The following DNAH12 variants were observed in gnomAD, a reference collection of about 807,000 sequenced individuals.
The protein encoded by DNAH12 is axonemal beta dynein heavy chain 12.
In DNAH12, 285 loss-of-function variants were observed where a neutral mutation model predicts 371.5. That is an observed-to-expected ratio of 0.77 (90% confidence interval 0.70 to 0.85). The LOEUF is 0.85. DNAH12 is among the 40% of genes least tolerant of loss of function. The pLI is 0.00. For missense variants in DNAH12, 3,611 were observed against 3,689.4 expected (o/e 0.98, Z 0.55); for synonymous variants, 1,200 against 1,213.0 (o/e 0.99, Z 0.22).
Position 57,507,778 on chromosome 3 carries a change from G to A in DNAH12, c.762C>T (p.Asn254=), listed in dbSNP as rs376621969. 80 of 1,607,252 alleles carry A rather than the reference G, an allele frequency of 5.0e-5. No individual in the cohort carries two copies. The highest frequency in any genetic ancestry group is 1.2e-4 in the South Asian group (11 of 89,364). ...ATGTATTCATTATCTTCTCTTCTGC[G>A]TTTCTAGTTTGTATTGATAGATCAG... The part of the protein sequence containing the change: ...LKTDLSIQTR[N]AEEKIMNTWY... The change falls in exon 8 of 74, where the codon AAC becomes AAT. Residue 254 remains asparagine (N), a synonymous_variant. Transcript: ENST00000495027.
chr3:57,488,820 C>G (rs546720012), intron 12 of DNAH12, among the ~76,000 whole-genome samples: 1 of 152,072 alleles, frequency 6.6e-6, no homozygotes, highest in Non-Finnish European at 1.5e-5. Context: ...ACTGGGTGAA[C>G]AAACCACAGG....
chr3:57,504,316 C>T (rs1275221344), intron 8 of DNAH12, 112 bp from the exon 9 acceptor site: 1 of 955,988 alleles, frequency 1.0e-6, no homozygotes, highest in Non-Finnish European at 1.5e-6. Flanking sequence ...ATAATTAAAA[C>T]ATCCTATCAA....
intron 65 of DNAH12, among the ~76,000 whole-genome samples, chr3:57,317,972 A>G (rs1211795613): frequency 6.6e-6 from 1 of 152,028 alleles, no homozygotes; most frequent in African/African-American, 2.4e-5. Flanking sequence ...TTCTTTGGAG[A>G]AATGTCTATT....
chr3:57,455,225 T>A (rs1177311976), intron 22 of DNAH12, among the ~76,000 whole-genome samples: 1 of 151,956 alleles, frequency 6.6e-6, no homozygotes, highest in African/African-American at 2.4e-5. Context: ...ATAGAATACC[T>A]ATTACTTCTA....
At chr3:57,520,185 T>C (rs1043271161) in intron 4 of DNAH12, among the ~76,000 whole-genome samples, 1 of 152,106 alleles carries the variant, frequency 6.6e-6, no homozygotes, top group Admixed American at 6.5e-5. Flanking sequence ...CAATCTCGGC[T>C]CACTGCAACG....
chr3:57,368,190 T>C lies in DNAH12; in HGVS notation c.8830A>G (p.Ser2944Gly), dbSNP rs2153334207. ...TCTGAATCTGATAGCTTAATAACAC[T>C]AAGCTGATTTTCTTTTTCAGAGTTT... The part of the protein sequence containing the change: ...IKNSEKENQL[S>G]VIKLSDSDYM... The change falls in exon 56 of 74, where the codon AGT becomes GGT. Residue 2944 changes from serine (S) to glycine (G), a missense_variant. Around this residue, in one of 3 missense-constraint regions of DNAH12, gnomAD observed 2,266 missense variants for 2,236.9 expected, o/e 1.01. Coordinates refer to ENST00000495027, the MANE Select transcript of DNAH12 (RefSeq NM_001366028.2). 1 of 152,326 alleles carries C rather than the reference T, an allele frequency of 6.6e-6. No individual in the cohort carries two copies. The highest frequency in any genetic ancestry group is 2.1e-4 in the South Asian group (1 of 4,832). 9.4% of individuals were successfully genotyped at this position (152,326 alleles called of 1,614,324 possible). A position where few individuals can be genotyped will look rare whatever the true frequency, so the allele number is the denominator to read the frequency against.
At chr3:57,530,186 G>A (rs564593742) in intron 2 of DNAH12, among the ~76,000 whole-genome samples, 7 of 152,166 alleles carry the variant, frequency 4.6e-5, no homozygotes, top group African/African-American at 1.4e-4. Context: ...ACCATGCCCA[G>A]CCAGTAATAA....
At chr3:57,546,484 G>A (rs1022511769), upstream of DNAH12, among the ~76,000 whole-genome samples, 3 of 152,088 alleles carry the variant, frequency 2.0e-5, no homozygotes, top group African/African-American at 7.2e-5. Context: ...TGGGACTACA[G>A]GCACACACCA....
At chr3:57,333,023 G>C (rs570477232) in intron 62 of DNAH12, among the ~76,000 whole-genome samples, 5 of 152,178 alleles carry the variant, frequency 3.3e-5, no homozygotes, top group Non-Finnish European at 7.4e-5. Context: ...GTTGATAAAC[G>C]TTCTGTAGAG....
intron 52 of DNAH12, among the ~76,000 whole-genome samples, chr3:57,378,332 G>C (rs950791370): frequency 8.6e-5 from 13 of 151,866 alleles, no homozygotes; most frequent in Non-Finnish European, 1.2e-4. Context: ...TGTGTGAAGG[G>C]ACAAGATGTT....
chr3:57,359,573 A>AG (rs1170912941), intron 58 of DNAH12, among the ~76,000 whole-genome samples: 1 of 151,006 alleles, frequency 6.6e-6, no homozygotes, highest in African/African-American at 2.4e-5. Context: ...AAAAAAAAAA[A>AG]AAAAAAAGAA....
At chr3:57,327,729 TAG>T (rs2061985250) in intron 62 of DNAH12, among the ~76,000 whole-genome samples, 2 of 150,842 alleles carry the variant, frequency 1.3e-5, no homozygotes. Flanking sequence ...CTGAAGGAAA[TAG>T]AGACACAAAA....
chr3:57,522,177 T>TCACG (rs2068473335), intron 4 of DNAH12, among the ~76,000 whole-genome samples: 1 of 151,894 alleles, frequency 6.6e-6, no homozygotes, highest in African/African-American at 2.4e-5. Context: ...TGAGCCAGGA[T>TCACG]CACGCCACTG....
In DNAH12 at chr3:57,408,506, G is replaced by A. The variant is rs544442885; in HGVS notation, c.6050C>T (p.Thr2017Met). Residue 2017 changes from threonine (T) to methionine (M), a missense_variant, in exon 40 of 74, where the codon ACG becomes ATG. Physicochemically the swap from Thr to Met is moderately conservative, Grantham distance 81. This residue lies in a region of DNAH12 where 2,266 missense variants were observed against 2,236.9 expected (regional missense o/e 1.01). Coordinates refer to ENST00000495027, the MANE Select transcript of DNAH12 (RefSeq NM_001366028.2). The stretch of plus-strand genomic sequence containing the variant: ...AGCAATCAGCTCTATGTCCACCAGC[G>A]TGATTTTACTTGTGTCCTTAAGGTC... ...WYDLKDTSKITLVDIELIAAM... is the reference protein window; with the variant it reads ...WYDLKDTSKIMLVDIELIAAM... 1.6e-4 allele frequency: 243 copies of A among 1,548,890 alleles called. 3 individuals carry two copies. In the South Asian group the frequency reaches 2.1e-3, roughly 13 times the overall value.
upstream of DNAH12, chr3:57,548,864 T>A (rs997115965): frequency 6.6e-6 from 1 of 152,198 alleles, no homozygotes; most frequent in Admixed American, 6.5e-5. Flanking sequence ...CACATAATAT[T>A]AAAACTGAAA....
intron 45 of DNAH12, among the ~76,000 whole-genome samples, chr3:57,389,842 T>TATATATATATATATATATATATATAAA (rs2063578029): frequency 3.5e-4 from 25 of 70,488 alleles, no homozygotes; most frequent in Non-Finnish European, 6.7e-4. Flanking sequence ...ATATATATAA[T>TATATATATATATATATATATATATAAA]ACTTTTTTTT....
chr3:57,447,334 TC>T (rs2065538858), intron 25 of DNAH12, among the ~76,000 whole-genome samples: 1 of 152,164 alleles, frequency 6.6e-6, no homozygotes, highest in Non-Finnish European at 1.5e-5. Context: ...TATTCCTGGG[TC>T]CCCACAATGA....
intron 29 of DNAH12, 100 bp from the exon 30 acceptor site, chr3:57,437,160 T>A: frequency 1.4e-6 from 1 of 739,506 alleles, no homozygotes; most frequent in Non-Finnish European, 2.2e-6. Context: ...AAAAAAAAAC[T>A]ATCATCATTG....
At chr3:57,540,244 T>C (rs1575756646) in intron 2 of DNAH12, among the ~76,000 whole-genome samples, 2 of 151,710 alleles carry the variant, frequency 1.3e-5, no homozygotes, top group African/African-American at 4.8e-5. Flanking sequence ...AGAGACAGGG[T>C]TTTGCCATGT....
Sources: gnomAD v4.1 joint callset for allele counts (sites outside exome capture counted in the v4.1 genomes callset) on GRCh38, gnomAD v4.1.1 for gene constraint, gnomAD v4.1.1 regional missense constraint, MANE v1.5 for transcripts, NCBI Gene and HGNC (gene_info 2026-07-23, HGNC 2026-07-21) for gene names.